The following HERC4 variants were observed in gnomAD, a reference collection of about 807,000 sequenced individuals.
HERC4 encodes HECT and RLD domain containing E3 ubiquitin protein ligase 4, also known as probable E3 ubiquitin-protein ligase HERC4.
In HERC4, 28 loss-of-function variants were observed where a neutral mutation model predicts 124.3. The observed-to-expected ratio is 0.23, with a 90% CI of 0.17 to 0.31. The LOEUF (loss-of-function observed/expected upper bound fraction) is 0.31, where lower values mean the gene tolerates loss of function less well. Ranked by LOEUF, HERC4 falls within the 10% of genes least tolerant of loss-of-function variation. The probability of loss-of-function intolerance (pLI) is 1.00; values close to 1 mark genes in which losing one functional copy is unlikely to be tolerated. For missense variants in HERC4, 713 were observed against 1,229.3 expected, an observed-to-expected ratio of 0.58 and a Z score of 6.28; for synonymous variants, 407 against 421.5, an observed-to-expected ratio of 0.97 and a Z score of 0.42.
chr10:67,964,779 CT>C (rs546952535), intron 16 of HERC4: 271 of 145,842 alleles, frequency 1.9e-3, no homozygotes, highest in South Asian at 2.4e-3. Context: ...TTCTTTCTTT[CT>C]TTTTTTTTTT....
chr10:67,992,573 G>T, intron 10 of HERC4, 33 bp downstream of exon 10: 3 of 1,234,280 alleles, frequency 2.4e-6, no homozygotes, highest in East Asian at 2.3e-5. Flanking sequence ...AATTATTGGA[G>T]CTATTTAATT....
chr10:67,929,837 A>C (rs1204927087), intron 23 of HERC4, among the ~76,000 whole-genome samples: 3 of 125,628 alleles, frequency 2.4e-5, no homozygotes, highest in African/African-American at 1.4e-4. Context: ...TTTGAGATGG[A>C]GTTTCACTCT....
intron 3 of HERC4, among the ~76,000 whole-genome samples, chr10:68,063,298 C>T (rs2041128935): frequency 6.6e-6 from 1 of 152,082 alleles, no homozygotes; most frequent in South Asian, 2.1e-4. Flanking sequence ...CTACCTCTGC[C>T]TCCTAGGTTC....
chr10:68,073,326 T>TTA (rs2041658840), intron 2 of HERC4, 140 bp from the exon 3 acceptor site: 1 of 455,086 alleles, frequency 2.2e-6, no homozygotes, highest in Non-Finnish European at 3.9e-6. Flanking sequence ...ATCATTCAGT[T>TTA]TCAAAAACCA....
At chr10:68,032,750 T>A in intron 7 of HERC4, 28 bp downstream of exon 7, 1 of 1,124,856 alleles carries the variant, frequency 8.9e-7, no homozygotes, top group South Asian at 1.3e-5. Flanking sequence ...TGATGAGTAA[T>A]AATAAAGAAG....
At chr10:67,999,481 T>C (rs1275042660) in intron 9 of HERC4, among the ~76,000 whole-genome samples, 1 of 152,206 alleles carries the variant, frequency 6.6e-6, no homozygotes, top group Non-Finnish European at 1.5e-5. Context: ...TTCCAACAGG[T>C]ATGTGAAACA....
intron 9 of HERC4, chr10:67,994,970 G>C (rs2036777843): frequency 4.3e-6 from 1 of 234,926 alleles, no homozygotes; most frequent in Non-Finnish European, 8.4e-6. Flanking sequence ...GATTACAGGT[G>C]TGAGCCACTG....
intron 23 of HERC4, among the ~76,000 whole-genome samples, chr10:67,931,582 A>T (rs12242880): frequency 6.6e-6 from 1 of 151,536 alleles, no homozygotes; most frequent in African/African-American, 2.4e-5. Flanking sequence ...GTGCCACCAC[A>T]CCCGATTAAT....
chr10:67,923,144 C>A lies in HERC4; in HGVS notation c.2942-5G>T. The A allele has an allele frequency of 6.2e-7, 1 of 1,607,804 alleles. No homozygotes were observed. Among genetic ancestry groups the A allele is most frequent in the South Asian group, 1.1e-5 (1 of 90,622 alleles). Reference sequence around the variant, plus strand: ...GATCACTACCTGTCAAAAATACTGCCAAGAAAGAAATCATTCAGTCAACCA... The same window carrying A: ...GATCACTACCTGTCAAAAATACTGCAAAGAAAGAAATCATTCAGTCAACCA... On this transcript the variant is annotated splice_polypyrimidine_tract_variant and splice_region_variant and intron_variant, in intron 24 of 24. Transcript: ENST00000373700.
At chr10:67,975,649 C>T (rs940882154) in intron 15 of HERC4, among the ~76,000 whole-genome samples, 3 of 152,130 alleles carry the variant, frequency 2.0e-5, no homozygotes, top group South Asian at 4.1e-4. Context: ...CATGCTCAGC[C>T]GACACATGCA....
intron 4 of HERC4, among the ~76,000 whole-genome samples, chr10:68,042,236 T>G (rs1346725833): frequency 6.6e-6 from 1 of 152,224 alleles, no homozygotes; most frequent in African/African-American, 2.4e-5. Flanking sequence ...ATTGAACTCC[T>G]GACCTTGTGA....
intron 4 of HERC4, chr10:68,040,445 C>T (rs1395398723): frequency 2.3e-6 from 2 of 859,388 alleles, no homozygotes; most frequent in African/African-American, 1.8e-5. Context: ...TAAAACAAGG[C>T]TTCCCATGTT....
intron 24 of HERC4, 45 bp from the exon 25 acceptor site, chr10:67,923,184 G>T (rs1196589515): frequency 2.8e-6 from 4 of 1,425,916 alleles, no homozygotes; most frequent in Non-Finnish European, 3.9e-6. Flanking sequence ...AAAACAAAAA[G>T]ATACAGTAGC....
At chr10:67,960,325 T>C (rs10823120) in intron 16 of HERC4, among the ~76,000 whole-genome samples, 93,558 of 152,096 alleles carry the variant, frequency 0.62, 29,642 homozygotes, top group Non-Finnish European at 0.68. Flanking sequence ...GCCCTGTGTG[T>C]TTCTTCCCTT....
rs1374698347 is a variant in HERC4, at chr10:67,923,174, A to G, written c.2942-35T>C. On this transcript the variant is annotated intron_variant, in intron 24 of 24. Coordinates refer to ENST00000373700, the MANE Select transcript of HERC4 (RefSeq NM_015601.4). ...AAGAAATCATTCAGTCAACCACTTC[A>G]AAACAAAAAGATACAGTAGCAAGTA... The G allele has an allele frequency of 1.2e-5, 19 of 1,529,306 alleles. No individual in the cohort carries two copies. In the East Asian group the frequency reaches 4.3e-4, roughly 34 times the overall value. 94.7% of individuals were successfully genotyped at this position (1,529,306 alleles called of 1,614,324 possible). A position where few individuals can be genotyped will look rare whatever the true frequency, so the allele number is the denominator to read the frequency against.
chr10:68,053,686 A>C (rs1033714208), intron 3 of HERC4, among the ~76,000 whole-genome samples: 1 of 152,228 alleles, frequency 6.6e-6, no homozygotes, highest in South Asian at 2.1e-4. Flanking sequence ...ACTTGTTTGT[A>C]ATGACAGCTA....
intron 3 of HERC4, among the ~76,000 whole-genome samples, chr10:68,061,879 T>TAAAAAAAAAAAAAAAAAAAAAA (rs71470503): frequency 1.8e-5 from 1 of 54,888 alleles, no homozygotes. Flanking sequence ...AGACTCCATT[T>TAAAAAAAAAAAAAAAAAAAAAA]AAAAAAAAAA....
intron 9 of HERC4, chr10:68,007,866 C>G (rs888232990): frequency 2.0e-5 from 3 of 153,196 alleles, no homozygotes; most frequent in African/African-American, 7.2e-5. Flanking sequence ...GGTGGCCCCC[C>G]ACTCCCAGGA....
intron 8 of HERC4, among the ~76,000 whole-genome samples, chr10:68,022,880 C>T (rs1387618714): frequency 1.3e-5 from 2 of 151,946 alleles, no homozygotes; most frequent in African/African-American, 4.8e-5. Context: ...CTTTAATTGA[C>T]ATTTCTCCTA....
Sources: gnomAD v4.1 joint callset for allele counts (sites outside exome capture counted in the v4.1 genomes callset) on GRCh38, gnomAD v4.1.1 for gene constraint, MANE v1.5 for transcripts, NCBI Gene and HGNC (gene_info 2026-07-23, HGNC 2026-07-21) for gene names.